The following ADCY7 variants were observed in gnomAD, a reference collection of about 807,000 sequenced individuals.
ADCY7 encodes the protein adenylate cyclase type 7.
A neutral mutation model predicts 120.6 loss-of-function variants in ADCY7; 72 were observed. The ratio of observed to expected loss-of-function variants is 0.60; its 90% CI spans 0.49 to 0.73. ADCY7 has a LOEUF of 0.73. Among genes scored for constraint, ADCY7 ranks in the 30% least tolerant of loss-of-function variants. ADCY7 has a pLI of 0.00. For synonymous variants in ADCY7, 661 were observed against 628.0 expected, an observed-to-expected ratio of 1.05 and a Z score of -0.78; for missense variants, 1,227 against 1,486.0, an observed-to-expected ratio of 0.83 and a Z score of 2.87.
At chr16:50,263,470 G>A (rs2033111586), upstream of ADCY7, among the ~76,000 whole-genome samples, 1 of 152,134 alleles carries the variant, frequency 6.6e-6, no homozygotes, top group Admixed American at 6.5e-5. Context: ...AGTGGGACAG[G>A]AACCTTGATT....
At chr16:50,314,881 AAGC>A in intron 24 of ADCY7, 130 bp from the exon 25 acceptor site, 2 of 1,293,498 alleles carry the variant, frequency 1.5e-6, no homozygotes, top group Non-Finnish European at 1.1e-6. Flanking sequence ...TGACTCTGGG[AAGC>A]AACCCAGCCT....
intron 1 of ADCY7, among the ~76,000 whole-genome samples, chr16:50,253,676 G>A (rs569784296): frequency 3.7e-4 from 56 of 152,166 alleles, no homozygotes; most frequent in Non-Finnish European, 6.5e-4. Flanking sequence ...ACTCTTTTGT[G>A]GTCAGAGGAT....
intron 18 of ADCY7, 101 bp downstream of exon 18, chr16:50,309,747 A>G: frequency 9.7e-7 from 1 of 1,036,176 alleles, no homozygotes; most frequent in South Asian, 1.6e-5. Flanking sequence ...GACCCCTGAG[A>G]GCACAGCATG....
At chr16:50,305,619 CCT>C (rs780040822) in intron 13 of ADCY7, 33 bp downstream of exon 13, 1 of 1,568,172 alleles carries the variant, frequency 6.4e-7, no homozygotes, top group Non-Finnish European at 8.7e-7. Flanking sequence ...ACCCCCCTCT[CCT>C]CTCCCCCTCG....
rs370184313 is a variant in ADCY7, at chr16:50,314,415, G to A, written c.2971+9G>A. 2.7e-5 allele frequency: 43 copies of A among 1,610,740 alleles called. No homozygotes were observed. Among genetic ancestry groups the A allele is most frequent in the South Asian group, 5.5e-5 (5 of 90,970 alleles). On this transcript the variant is annotated intron_variant, in intron 24 of 25. Coordinates refer to ENST00000673801, the MANE Select transcript of ADCY7 (RefSeq NM_001114.5). ...CTTCCGCCTCCGCGTCGGTGAGCCCGGGTGATGGAGCGGGGTGGGGAGCCC... is the reference window on the plus strand; with the variant it reads ...CTTCCGCCTCCGCGTCGGTGAGCCCAGGTGATGGAGCGGGGTGGGGAGCCC...
chr16:50,294,518 G>T, intron 6 of ADCY7, 122 bp from the exon 7 acceptor site: 1 of 630,636 alleles, frequency 1.6e-6, no homozygotes, highest in South Asian at 1.9e-5. Flanking sequence ...GCTGAGGAAG[G>T]ACGGGGGTGA....
Position 50,315,457 on chromosome 16 carries a change from C to T in ADCY7, c.3195C>T (p.Tyr1065=), listed in dbSNP as rs1447185293. Residue 1065 remains tyrosine, a synonymous_variant, in exon 26 of 26, where the codon TAC becomes TAT. Transcript: ENST00000673801. ...AAGGCAAAGGCGAGCTGAGGACTTACTTTGTCTGTACGGACACTGCCAAGT... is the reference window on the plus strand; with the variant it reads ...AAGGCAAAGGCGAGCTGAGGACTTATTTTGTCTGTACGGACACTGCCAAGT... ...NVKGKGELRT[Y]FVCTDTAKFQ... The T allele has an allele frequency of 3.1e-6, 5 of 1,614,052 alleles. No homozygotes were observed. In the African/African-American group the frequency reaches 6.7e-5, roughly 22 times the overall value.
chr16:50,290,389 G>C, intron 2 of ADCY7, 68 bp from the exon 3 acceptor site: 3 of 1,579,498 alleles, frequency 1.9e-6, no homozygotes, highest in Non-Finnish European at 2.6e-6. Flanking sequence ...CGGCCCGGCA[G>C]GCTTTCTGGA....
At chr16:50,269,409 G>A (rs2033418828) in intron 1 of ADCY7, among the ~76,000 whole-genome samples, 1 of 152,234 alleles carries the variant, frequency 6.6e-6, no homozygotes, top group African/African-American at 2.4e-5. Context: ...TCCTTACTGG[G>A]AAGATGAGGA....
chr16:50,290,391 C>A, intron 2 of ADCY7, 66 bp from the exon 3 acceptor site: 2 of 1,582,508 alleles, frequency 1.3e-6, no homozygotes, highest in South Asian at 1.1e-5. Flanking sequence ...GCCCGGCAGG[C>A]TTTCTGGAGG....
intron 8 of ADCY7, among the ~76,000 whole-genome samples, chr16:50,299,547 G>A (rs562142147): frequency 4.6e-5 from 7 of 152,230 alleles, no homozygotes; most frequent in Admixed American, 6.5e-5. Flanking sequence ...TGGGGAGAGG[G>A]CCAGGCAGGC....
rs964540332 is a variant in ADCY7, at chr16:50,297,069, G to A, written c.949-1835G>A. ...AGAGGGTCCCTTGCCCTTGGACACAGTCTTCCCTCTCCAGCAGGCCCAGGA... is the reference window on the plus strand; with the variant it reads ...AGAGGGTCCCTTGCCCTTGGACACAATCTTCCCTCTCCAGCAGGCCCAGGA... On this transcript the variant is annotated intron_variant, in intron 7 of 25. Transcript: ENST00000673801. This position sits in a 1 kb window ranked among gnomAD's most constrained non-coding sequence, Gnocchi z 4.4. Among the ~76,000 whole-genome samples, 1 of 152,242 alleles carries A rather than the reference G, an allele frequency of 6.6e-6. No homozygotes were observed. Among genetic ancestry groups the A allele is most frequent in the Non-Finnish European group, 1.5e-5 (1 of 68,044 alleles).
At position 50,304,467 on chromosome 16, in the gene ADCY7, G is replaced by T. The variant is rs1431703018; in HGVS notation, c.1476G>T (p.Gly492=). ...VRMTRYLESW[G]AARPFAHLNH... ...TGACCCGGTACCTCGAGTCCTGGGG[G>T]GCGGCACGGCCCTTTGCACATCTCA... Residue 492 remains glycine, a synonymous_variant, in exon 11 of 26, where the codon GGG becomes GGT. Coordinates refer to ENST00000673801, the MANE Select transcript of ADCY7 (RefSeq NM_001114.5). The T allele has an allele frequency of 1.2e-6, 2 of 1,609,490 alleles. No homozygotes were observed. The highest frequency in any genetic ancestry group is 2.7e-5 in the African/African-American group (2 of 74,736).
chr16:50,273,835 G>A (rs1027637542), intron 1 of ADCY7, among the ~76,000 whole-genome samples: 3 of 152,172 alleles, frequency 2.0e-5, no homozygotes, highest in African/African-American at 4.8e-5. Flanking sequence ...ATGTCCCTGT[G>A]TACCAGGCAG....
rs190950171 is a variant in ADCY7, at chr16:50,275,877, C to T, written c.-269+9197C>T. 1.7e-4 allele frequency among the ~76,000 whole-genome samples: 26 copies of T among 152,244 alleles called. No homozygotes were observed. The East Asian group carries it at 4.4e-3, about 26-fold the overall frequency. Reference sequence around the variant, plus strand: ...TCAGTTGCCCTGGCTAGAAATGGAGCGAGAGCACCCCCGCCCACCACCCTT... The same window carrying T: ...TCAGTTGCCCTGGCTAGAAATGGAGTGAGAGCACCCCCGCCCACCACCCTT... On this transcript the variant is annotated intron_variant, in intron 1 of 25. Transcript: ENST00000673801.
chr16:50,250,456 CAAAAAAA>C (rs34443362), intron 1 of ADCY7, among the ~76,000 whole-genome samples: 13 of 69,152 alleles, frequency 1.9e-4, no homozygotes, highest in African/African-American at 3.3e-4. Flanking sequence ...GACTCTATCT[CAAAAAAA>C]AAAAAAAAAA....
At chr16:50,307,731 C>T (rs1178537765) in intron 15 of ADCY7, among the ~76,000 whole-genome samples, 1 of 152,188 alleles carries the variant, frequency 6.6e-6, no homozygotes, top group Admixed American at 6.5e-5. Context: ...TGCGTGGTGA[C>T]TCACGCCTGT....
chr16:50,260,116 C>T (rs2033021134), intron 1 of ADCY7, among the ~76,000 whole-genome samples: 1 of 152,232 alleles, frequency 6.6e-6, no homozygotes, highest in African/African-American at 2.4e-5. Flanking sequence ...CCTGCTCTGT[C>T]CTCCCACGTA....
In ADCY7 at chr16:50,304,475, G is replaced by T. The variant is rs1440210646; in HGVS notation, c.1484G>T (p.Arg495Leu). 1 of 1,608,700 alleles carries T rather than the reference G, an allele frequency of 6.2e-7. No individual in the cohort carries two copies. The highest frequency in any genetic ancestry group is 1.7e-5 in the Admixed American group (1 of 58,968). Reference sequence around the variant, plus strand: ...TACCTCGAGTCCTGGGGGGCGGCACGGCCCTTTGCACATCTCAACCACCGT... The same window carrying T: ...TACCTCGAGTCCTGGGGGGCGGCACTGCCCTTTGCACATCTCAACCACCGT... The part of the protein sequence containing the change: ...TRYLESWGAA[R>L]PFAHLNHRES... Residue 495 changes from arginine (R) to leucine (L), a missense_variant, in exon 11 of 26, where the codon CGG (arginine) becomes CTG (leucine). Physicochemically the swap from Arg to Leu is moderately radical, Grantham distance 102. This residue lies in a region of ADCY7 where 332 missense variants were observed against 455.8 expected (regional missense o/e 0.73). Coordinates refer to ENST00000673801, the MANE Select transcript of ADCY7 (RefSeq NM_001114.5).
Sources: allele counts gnomAD v4.1 joint callset (sites outside exome capture counted in the v4.1 genomes callset), GRCh38; gene constraint gnomAD v4.1.1; regional missense constraint gnomAD v4.1.1; non-coding constraint Gnocchi (gnomAD v3.1); transcripts MANE v1.5; gene names NCBI Gene and HGNC (gene_info 2026-07-23, HGNC 2026-07-21).